Variants in FOXP2 observed in about 807,000 individuals in gnomAD.
FOXP2 encodes the protein forkhead box P2.
FOXP2 carries 12 observed loss-of-function variants against 115.8 expected under a neutral mutation model. The ratio of observed to expected loss-of-function variants is 0.10; its 90% CI spans 0.07 to 0.17. FOXP2 has a LOEUF of 0.17. FOXP2 is among the 10% of genes least tolerant of loss of function. FOXP2 has a pLI of 1.00. For missense variants in FOXP2, 629 were observed against 843.5 expected, an observed-to-expected ratio of 0.75 and a Z score of 3.15; for synonymous variants, 328 against 297.7, an observed-to-expected ratio of 1.10 and a Z score of -1.05.
chr7:114,314,131 G>T (rs1797216042), intron 2 of FOXP2, among the ~76,000 whole-genome samples: 1 of 151,822 alleles, frequency 6.6e-6, no homozygotes, highest in African/African-American at 2.4e-5. Context: ...GTGTATTTGA[G>T]TTCTCAGTGC....
chr7:114,649,983 C>A (rs945295137), intron 8 of FOXP2, among the ~76,000 whole-genome samples: 2 of 152,036 alleles, frequency 1.3e-5, no homozygotes, highest in Non-Finnish European at 2.9e-5. Flanking sequence ...CTTTAAAAAC[C>A]TTTCGCCTTC....
intron 1 of FOXP2, among the ~76,000 whole-genome samples, chr7:114,125,644 A>G (rs375379140): frequency 6.6e-6 from 1 of 152,142 alleles, no homozygotes; most frequent in Admixed American, 6.6e-5. Flanking sequence ...GTTGCTGTAG[A>G]GTACAAAGCT....
At chr7:114,213,343 A>T (rs117088983) in intron 1 of FOXP2, among the ~76,000 whole-genome samples, 68 of 152,334 alleles carry the variant, frequency 4.5e-4, no homozygotes, top group Middle Eastern at 6.8e-3. Flanking sequence ...CTGGTTTTAA[A>T]ACAATAACTG....
intron 1 of FOXP2, among the ~76,000 whole-genome samples, chr7:114,187,199 C>T (rs148737187): frequency 8.7e-4 from 133 of 152,274 alleles, no homozygotes; most frequent in African/African-American, 3.0e-3. Context: ...TTTTCCACAT[C>T]TTTGTGTTCT....
chr7:114,322,284 A>T (rs1797443917), intron 2 of FOXP2, among the ~76,000 whole-genome samples: 1 of 149,508 alleles, frequency 6.7e-6, no homozygotes, highest in Non-Finnish European at 1.5e-5. Flanking sequence ...TGGCCTCCCC[A>T]AGTGCTGGGA....
At chr7:114,168,820 T>C (rs1793055344) in intron 1 of FOXP2, among the ~76,000 whole-genome samples, 2 of 152,160 alleles carry the variant, frequency 1.3e-5, no homozygotes, top group Non-Finnish European at 1.5e-5. Flanking sequence ...TGGGCTGTCC[T>C]CAGGGTCCCC....
At chr7:114,223,502 A>G (rs1031409710) in intron 1 of FOXP2, among the ~76,000 whole-genome samples, 3 of 147,010 alleles carry the variant, frequency 2.0e-5, no homozygotes, top group Non-Finnish European at 3.0e-5. Flanking sequence ...TATATATATT[A>G]TATATAATAT....
At chr7:114,143,978 C>T (rs973460609) in intron 1 of FOXP2, among the ~76,000 whole-genome samples, 1 of 152,018 alleles carries the variant, frequency 6.6e-6, no homozygotes, top group African/African-American at 2.4e-5. Context: ...TGCAGACCTG[C>T]CCAATTTCAG....
chr7:114,314,418 C>G (rs1439480833), intron 2 of FOXP2, among the ~76,000 whole-genome samples: 1 of 152,018 alleles, frequency 6.6e-6, no homozygotes, highest in Non-Finnish European at 1.5e-5. Context: ...TCTTTGCTTC[C>G]TTCAGACAGC....
chr7:114,355,206 C>T (rs1234110398), intron 2 of FOXP2, among the ~76,000 whole-genome samples: 1 of 152,054 alleles, frequency 6.6e-6, no homozygotes, highest in East Asian at 1.9e-4. Context: ...CACTAGGAAC[C>T]GAGCATCTAG....
At chr7:114,653,893 T>C (rs1806426482) in intron 9 of FOXP2, 33 bp from the exon 10 acceptor site, 1 of 1,603,570 alleles carries the variant, frequency 6.2e-7, no homozygotes, top group Non-Finnish European at 8.5e-7. Context: ...CAGTCATTTC[T>C]AAAACGCTTC....
intron 1 of FOXP2, among the ~76,000 whole-genome samples, chr7:114,156,921 T>C (rs1007455725): frequency 2.0e-5 from 3 of 152,190 alleles, no homozygotes; most frequent in African/African-American, 7.2e-5. Context: ...ACGTGTTTTA[T>C]TTGACTATCT....
chr7:114,095,036 GATA>G (rs1444672082), intron 1 of FOXP2, among the ~76,000 whole-genome samples: 1 of 152,096 alleles, frequency 6.6e-6, no homozygotes, highest in Non-Finnish European at 1.5e-5. Context: ...CATGTATGAT[GATA>G]ATAATGCATA....
At chr7:114,523,590 G>A (rs772623385) in intron 2 of FOXP2, among the ~76,000 whole-genome samples, 3 of 152,146 alleles carry the variant, frequency 2.0e-5, no homozygotes, top group South Asian at 2.1e-4. Context: ...ATAGAGAACC[G>A]AAGTTTTGTT....
At chr7:114,388,438 T>G (rs941310372) in intron 2 of FOXP2, among the ~76,000 whole-genome samples, 3 of 151,096 alleles carry the variant, frequency 2.0e-5, no homozygotes, top group African/African-American at 7.4e-5. Context: ...TTTAAAATCA[T>G]AGACCTTCTC....
rs1278120568 is a variant in FOXP2, at chr7:114,690,350, G to T, written c.*424G>T. 2.2e-6 allele frequency: 1 copy of T among 454,168 alleles called. No individual in the cohort carries two copies. Among genetic ancestry groups the T allele is most frequent in the African/African-American group, 2.0e-5 (1 of 50,002 alleles). 28.1% of individuals were successfully genotyped at this position (454,168 alleles called of 1,614,324 possible). On this transcript the variant is annotated 3_prime_UTR_variant, in exon 17 of 17. Transcript: ENST00000350908. ...ATTAATGTGAATTTTCCAGCATTCA[G>T]TAGTTGTAATGTTAGAAACAATTGC...
At chr7:114,360,115 G>C (rs186589942) in intron 2 of FOXP2, among the ~76,000 whole-genome samples, 28 of 152,182 alleles carry the variant, frequency 1.8e-4, no homozygotes, top group Non-Finnish European at 3.4e-4. Context: ...TTCCCATGCT[G>C]TTCTCATGGT....
intron 3 of FOXP2, among the ~76,000 whole-genome samples, chr7:114,552,847 G>C (rs1339798318): frequency 1.3e-5 from 2 of 152,134 alleles, no homozygotes; most frequent in African/African-American, 4.8e-5. Context: ...GGTCAGGACT[G>C]TGAAAATTGC....
intron 2 of FOXP2, among the ~76,000 whole-genome samples, chr7:114,509,814 T>C (rs1253458960): frequency 1.3e-5 from 2 of 151,808 alleles, no homozygotes; most frequent in Non-Finnish European, 2.9e-5. Context: ...TAAAAATCTA[T>C]GAGTTGTCAG....
Sources: allele counts gnomAD v4.1 joint callset (sites outside exome capture counted in the v4.1 genomes callset), GRCh38; gene constraint gnomAD v4.1.1; transcripts MANE v1.5; gene names NCBI Gene and HGNC (gene_info 2026-07-23, HGNC 2026-07-21).